The following ARID1B variants were observed in gnomAD, a reference collection of about 807,000 sequenced individuals.
The protein encoded by ARID1B is AT-rich interactive domain-containing protein 1B.
Under a neutral mutation model 212.3 loss-of-function variants are expected in ARID1B, and 30 were observed. The ratio of observed to expected loss-of-function variants is 0.14; its 90% CI spans 0.11 to 0.19. ARID1B has a LOEUF of 0.19. Among genes scored for constraint, ARID1B ranks in the 10% least tolerant of loss-of-function variants. The pLI, the probability that ARID1B is intolerant of heterozygous loss-of-function variation, is 1.00. For missense variants in ARID1B, 2,891 were observed against 3,204.0 expected, an observed-to-expected ratio of 0.90 and a Z score of 2.36; for synonymous variants, 1,402 against 1,301.7, an observed-to-expected ratio of 1.08 and a Z score of -1.66.
At chr6:157,056,525 G>C (rs1412007316) in intron 4 of ARID1B, among the ~76,000 whole-genome samples, 1 of 152,198 alleles carries the variant, frequency 6.6e-6, no homozygotes, top group Non-Finnish European at 1.5e-5. Flanking sequence ...CTTCTGGGGT[G>C]GGTGGAGGAT....
chr6:157,139,065 G>A (rs534826035), intron 7 of ARID1B, among the ~76,000 whole-genome samples: 1 of 151,918 alleles, frequency 6.6e-6, no homozygotes, highest in Admixed American at 6.6e-5. Context: ...ACAAAACCTG[G>A]GAATTAGGGA....
intron 2 of ARID1B, 150 bp downstream of exon 2, chr6:156,829,571 A>ATT: frequency 3.3e-6 from 3 of 905,746 alleles, no homozygotes; most frequent in Admixed American, 3.3e-5. Flanking sequence ...CACAGGTATA[A>ATT]TTTTTTTTTT....
At chr6:156,867,125 T>G (rs1415959086) in intron 2 of ARID1B, among the ~76,000 whole-genome samples, 1 of 152,216 alleles carries the variant, frequency 6.6e-6, no homozygotes, top group East Asian at 1.9e-4. Flanking sequence ...GTTTTCATCT[T>G]TGACAACCAA....
intron 1 of ARID1B, among the ~76,000 whole-genome samples, chr6:156,806,583 T>C (rs955586302): frequency 1.3e-5 from 2 of 152,236 alleles, no homozygotes; most frequent in Non-Finnish European, 2.9e-5. Context: ...ACAGTAATCT[T>C]GCGAGGTTTG....
At chr6:157,072,774 A>G (rs766032732) in intron 4 of ARID1B, among the ~76,000 whole-genome samples, 2 of 152,218 alleles carry the variant, frequency 1.3e-5, no homozygotes, top group Non-Finnish European at 2.9e-5. Context: ...TAACTCATTC[A>G]GTTCTCTCAG....
intron 8 of ARID1B, 117 bp from the exon 9 acceptor site, chr6:157,166,923 C>T: frequency 7.3e-7 from 1 of 1,376,270 alleles, no homozygotes; most frequent in South Asian, 1.5e-5. Context: ...TTTACACAAA[C>T]ATGAAAAGTT....
In ARID1B at chr6:157,200,859, AGTACCC is replaced by A; in HGVS notation, c.4638_4643del (p.Pro1549_Tyr1550del). ...CCGGACCGCAGGCCCATCCAGGGCC[AGTACCC>A]GTATCCCTACAGCAGGGAGAGGATG... On this transcript the variant is annotated inframe_deletion, in exon 18 of 20. Coordinates refer to ENST00000636930, the MANE Select transcript of ARID1B (RefSeq NM_001374828.1). This position sits in a 1 kb window ranked among gnomAD's most constrained non-coding sequence, Gnocchi z 4.3. 6.2e-7 allele frequency: 1 copy of A among 1,614,042 alleles called. No homozygotes were observed. The highest frequency in any genetic ancestry group is 1.3e-5 in the African/African-American group (1 of 75,076).
rs1777896266 is a variant in ARID1B, at chr6:156,986,048, C to T, written c.2247+50472C>T. On this transcript the variant is annotated intron_variant, in intron 4 of 19. Transcript: ENST00000636930. ...TTTTTGTTAATTTCTGGCAAAATTC[C>T]TTTACTTGGAAGGCTTTTTGTCTTT... Among the ~76,000 whole-genome samples the T allele has an allele frequency of 2.1e-5, 3 of 140,746 alleles. No individual in the cohort carries two copies. The South Asian group carries it at 7.2e-4, about 34-fold the overall frequency. The allele number at this position is 140,746 out of a possible 152,430, so 92.3% of individuals were successfully genotyped here.
intron 2 of ARID1B, among the ~76,000 whole-genome samples, chr6:156,875,871 C>T (rs929960367): frequency 6.6e-6 from 1 of 152,164 alleles, no homozygotes. Flanking sequence ...TGATGAAAAT[C>T]CCCTGTGTTG....
intron 7 of ARID1B, among the ~76,000 whole-genome samples, chr6:157,134,069 G>GA (rs780043536): frequency 2.0e-5 from 3 of 152,186 alleles, no homozygotes; most frequent in Non-Finnish European, 2.9e-5. Context: ...TCTCACTTCT[G>GA]AAAATACCAG....
chr6:156,993,938 C>G (rs1778425503), intron 4 of ARID1B, among the ~76,000 whole-genome samples: 1 of 152,168 alleles, frequency 6.6e-6, no homozygotes, highest in Non-Finnish European at 1.5e-5. Context: ...TCAAGTGGCA[C>G]TTATTCAAAT....
chr6:157,076,390 A>G (rs1445858809), intron 4 of ARID1B, among the ~76,000 whole-genome samples: 9 of 151,748 alleles, frequency 5.9e-5, no homozygotes, highest in African/African-American at 1.5e-4. Context: ...CACAGGTACA[A>G]TAGTGTCCTA....
intron 7 of ARID1B, among the ~76,000 whole-genome samples, chr6:157,137,970 G>A (rs563410835): frequency 6.6e-6 from 1 of 152,008 alleles, no homozygotes; most frequent in East Asian, 1.9e-4. Context: ...TTCATTATAT[G>A]TGTCTCATAA....
chr6:157,039,775 ACCTT>A (rs1374936601), intron 4 of ARID1B, among the ~76,000 whole-genome samples: 1,805 of 77,200 alleles, frequency 0.023, 73 homozygotes, highest in African/African-American at 0.075. Context: ...CTACCTACCT[ACCTT>A]CCTTCCTTCC....
intron 4 of ARID1B, among the ~76,000 whole-genome samples, chr6:157,039,751 T>TCCTA (rs1404256996): frequency 7.1e-5 from 9 of 127,556 alleles, no homozygotes; most frequent in Admixed American, 1.5e-4. Flanking sequence ...CTCCCTTCCT[T>TCCTA]CCTTCCTACC....
intron 2 of ARID1B, among the ~76,000 whole-genome samples, chr6:156,837,506 G>A (rs762178310): frequency 4.6e-5 from 7 of 151,840 alleles, no homozygotes; most frequent in Non-Finnish European, 8.8e-5. Flanking sequence ...TTTTAAAAAG[G>A]TTTTTTTTCT....
intron 3 of ARID1B, among the ~76,000 whole-genome samples, chr6:156,930,158 T>C (rs995572110): frequency 9.2e-5 from 14 of 152,222 alleles, no homozygotes; most frequent in African/African-American, 3.4e-4. Flanking sequence ...CTAATTGTAA[T>C]CCTTAATGTT....
intron 5 of ARID1B, among the ~76,000 whole-genome samples, chr6:157,090,754 G>A (rs558716767): frequency 6.6e-5 from 10 of 152,368 alleles, no homozygotes; most frequent in Non-Finnish European, 1.5e-4. Context: ...GGGCATGAGG[G>A]ATGGGTCAGG....
intron 4 of ARID1B, among the ~76,000 whole-genome samples, chr6:157,013,515 C>A (rs375760285): frequency 9.2e-5 from 14 of 152,252 alleles, no homozygotes; most frequent in African/African-American, 3.4e-4. Context: ...TCTCTACTTC[C>A]TTGGGTTAGT....
Sources: gnomAD v4.1 joint callset for allele counts (sites outside exome capture counted in the v4.1 genomes callset) on GRCh38, gnomAD v4.1.1 for gene constraint, Gnocchi (gnomAD v3.1) non-coding constraint, MANE v1.5 for transcripts, NCBI Gene and HGNC (gene_info 2026-07-23, HGNC 2026-07-21) for gene names.